ACOX2: variants seen among roughly 807,000 people sequenced by gnomAD.
ACOX2 encodes the protein acyl-CoA oxidase 2, also known as peroxisomal acyl-coenzyme A oxidase 2.
ACOX2 carries 59 observed loss-of-function variants against 77.5 expected under a neutral mutation model. That is an observed-to-expected ratio of 0.76 (90% CI 0.62 to 0.95). ACOX2 has a LOEUF of 0.95. Ranked by LOEUF, ACOX2 falls within the 40% of genes least tolerant of loss-of-function variation. The probability of loss-of-function intolerance (pLI) is 0.00; values close to 1 mark genes in which losing one functional copy is unlikely to be tolerated. For synonymous variants in ACOX2, 317 were observed against 340.1 expected (o/e 0.93, Z 0.75); for missense variants, 837 against 880.4 (o/e 0.95, Z 0.62).
At chr3:58,508,044 C>T (rs180792159) in intron 14 of ACOX2, among the ~76,000 whole-genome samples, 2 of 152,298 alleles carry the variant, frequency 1.3e-5, no homozygotes, top group Admixed American at 1.3e-4. Context: ...TGTTTTGTAC[C>T]TATAGACTTT....
chr3:58,533,735 C>T lies in ACOX2; in HGVS notation c.476-183G>A. ...GGCTGTGTGTGGGACACACAGTCCCCTATAGCCAGTCCATGAGAAGGGGTG... is the reference window on the plus strand; with the variant it reads ...GGCTGTGTGTGGGACACACAGTCCCTTATAGCCAGTCCATGAGAAGGGGTG... On this transcript the variant is annotated intron_variant, in intron 4 of 14. Transcript: ENST00000302819. The surrounding 1 kb of genome is among the most constrained non-coding windows in gnomAD (Gnocchi z 5.6). 1.5e-6 allele frequency: 1 copy of T among 673,688 alleles called. No individual in the cohort carries two copies. The allele number at this position is 673,688 out of a possible 1,614,324, so 41.7% of individuals were successfully genotyped here.
In ACOX2 at chr3:58,533,438, T is replaced by C; in HGVS notation, c.583+7A>G. ...GAGTTAAGGAAGGGGGGTGGATGTA[T>C]ACTCACAGTCTCCAGGCCACCATTT... On this transcript the variant is annotated splice_region_variant and intron_variant, in intron 5 of 14. Coordinates refer to ENST00000302819, the MANE Select transcript of ACOX2 (RefSeq NM_003500.4). The surrounding 1 kb of genome is among the most constrained non-coding windows in gnomAD (Gnocchi z 5.6). The C allele has an allele frequency of 1.9e-6, 3 of 1,612,456 alleles. No homozygotes were observed. The highest frequency in any genetic ancestry group is 2.5e-6 in the Non-Finnish European group (3 of 1,178,720).
chr3:58,517,102 G>A, intron 13 of ACOX2, 104 bp downstream of exon 13: 1 of 1,203,646 alleles, frequency 8.3e-7, no homozygotes, highest in Non-Finnish European at 1.2e-6. Context: ...CAGGGCTGTT[G>A]CTGCTCTGCC....
At position 58,514,777 on chromosome 3, in the gene ACOX2, T is replaced by C. The variant is rs1408392598; in HGVS notation, c.1850+2429A>G. 6.6e-6 allele frequency among the ~76,000 whole-genome samples: 1 copy of C among 152,234 alleles called. No individual in the cohort carries two copies. Among genetic ancestry groups the C allele is most frequent in the African/African-American group, 2.4e-5 (1 of 41,464 alleles). Reference sequence around the variant, plus strand: ...TTTGCAAATTTAAAAAACATGCTTATAGGGTGTTAAGGTAATCTTTTGTAT... The same window carrying C: ...TTTGCAAATTTAAAAAACATGCTTACAGGGTGTTAAGGTAATCTTTTGTAT... On this transcript the variant is annotated intron_variant, in intron 13 of 14. Transcript: ENST00000302819. The surrounding 1 kb of genome is among the most constrained non-coding windows in gnomAD (Gnocchi z 4.3).
chr3:58,533,348 A>G lies in ACOX2; in HGVS notation c.583+97T>C. On this transcript the variant is annotated intron_variant, in intron 5 of 14. Transcript: ENST00000302819. This position sits in a 1 kb window ranked among gnomAD's most constrained non-coding sequence, Gnocchi z 5.6. ...GTCAGCAGCCTAGAACAGAAAATCA[A>G]TCTGAGGTCTGTTGGACCTCAAAGC... The G allele has an allele frequency of 1.8e-6, 2 of 1,124,482 alleles. No individual in the cohort carries two copies. The highest frequency in any genetic ancestry group is 1.5e-5 in the African/African-American group (1 of 64,590). The allele number at this position is 1,124,482 out of a possible 1,614,324, so 69.7% of individuals were successfully genotyped here.
Position 58,531,203 on chromosome 3 carries a change from G to C in ACOX2, c.819+48C>G, listed in dbSNP as rs767011061. ...CAGGCCCAGCCTGCACAAAGCGCAG[G>C]TCCCCTCTCCAGGAAGTACAAGTCC... On this transcript the variant is annotated intron_variant, in intron 7 of 14. Transcript: ENST00000302819. This position sits in a 1 kb window ranked among gnomAD's most constrained non-coding sequence, Gnocchi z 5.8. 10 of 1,559,754 alleles carry C rather than the reference G, an allele frequency of 6.4e-6. No individual in the cohort carries two copies. Among genetic ancestry groups the C allele is most frequent in the Non-Finnish European group, 8.8e-6 (10 of 1,138,004 alleles).
In ACOX2 at chr3:58,515,882, ATCC is replaced by A. The variant is rs1359470334; in HGVS notation, c.1850+1321_1850+1323del. ...AACCTCAACCTCCTGGGATCAATCA[ATCC>A]TCCTACCTCAGCCTCCCGAGTAGCT... On this transcript the variant is annotated intron_variant, in intron 13 of 14. Transcript: ENST00000302819. This position sits in a 1 kb window ranked among gnomAD's most constrained non-coding sequence, Gnocchi z 4.0. Among the ~76,000 whole-genome samples, 4 of 151,810 alleles carry A rather than the reference ATCC, an allele frequency of 2.6e-5. No individual in the cohort carries two copies. The highest frequency in any genetic ancestry group is 5.9e-5 in the Non-Finnish European group (4 of 67,964).
chr3:58,527,890 G>A (rs979769698), intron 9 of ACOX2, among the ~76,000 whole-genome samples: 6 of 150,040 alleles, frequency 4.0e-5, no homozygotes, highest in Admixed American at 6.6e-5. Flanking sequence ...TTGTGGAGAC[G>A]GGGGTCTCAC....
Position 58,526,765 on chromosome 3 carries a change from G to A in ACOX2, c.1156-109C>T, listed in dbSNP as rs1303453169. ...TACTCATGCCCAGCTCAGCTCTGAG[G>A]TAAGAAGTGTTTCCTCTGCTCACAA... On this transcript the variant is annotated intron_variant, in intron 9 of 14. Transcript: ENST00000302819. This position sits in a 1 kb window ranked among gnomAD's most constrained non-coding sequence, Gnocchi z 4.3. The A allele has an allele frequency of 1.1e-5, 13 of 1,220,420 alleles. No individual in the cohort carries two copies. Among genetic ancestry groups the A allele is most frequent in the South Asian group, 3.0e-5 (2 of 66,660 alleles). 75.6% of individuals were successfully genotyped at this position (1,220,420 alleles called of 1,614,324 possible).
chr3:58,528,753 C>T lies in ACOX2; in HGVS notation c.1155+41G>A. 1.3e-6 allele frequency: 2 copies of T among 1,565,644 alleles called. No individual in the cohort carries two copies. Among genetic ancestry groups the T allele is most frequent in the South Asian group, 1.2e-5 (1 of 82,460 alleles). ...CAGTGAGTGGAACAATCTTAGCTCC[C>T]AGCGCCTGCCAGCGCCTGCCCCTCC... On this transcript the variant is annotated intron_variant, in intron 9 of 14. Coordinates refer to ENST00000302819, the MANE Select transcript of ACOX2 (RefSeq NM_003500.4). This position sits in a 1 kb window ranked among gnomAD's most constrained non-coding sequence, Gnocchi z 5.6.
Position 58,522,405 on chromosome 3 carries a change from G to A in ACOX2, c.1632+91C>T. On this transcript the variant is annotated intron_variant, in intron 12 of 14. Coordinates refer to ENST00000302819, the MANE Select transcript of ACOX2 (RefSeq NM_003500.4). The surrounding 1 kb of genome is among the most constrained non-coding windows in gnomAD (Gnocchi z 4.3). ...GCAGCCGCCACTGAAGCAGAGTTGG[G>A]GAATAATGGCAGAGCCCGGATTTTC... is the stretch of plus-strand genomic sequence containing the variant. 7.9e-7 allele frequency: 1 copy of A among 1,262,946 alleles called. No homozygotes were observed. The highest frequency in any genetic ancestry group is 1.1e-6 in the Non-Finnish European group (1 of 875,688). The allele number at this position is 1,262,946 out of a possible 1,614,324, so 78.2% of individuals were successfully genotyped here. A position where few individuals can be genotyped will look rare whatever the true frequency, so the allele number is the denominator to read the frequency against.
At chr3:58,529,543 C>G (rs1481620325) in intron 8 of ACOX2, among the ~76,000 whole-genome samples, 3 of 152,214 alleles carry the variant, frequency 2.0e-5, no homozygotes, top group Admixed American at 1.3e-4. Flanking sequence ...CCTCTACAGA[C>G]AGCAGCTGCT....
chr3:58,515,143 C>G lies in ACOX2; in HGVS notation c.1850+2063G>C, dbSNP rs1230086750. On this transcript the variant is annotated intron_variant, in intron 13 of 14. Coordinates refer to ENST00000302819, the MANE Select transcript of ACOX2 (RefSeq NM_003500.4). The surrounding 1 kb of genome is among the most constrained non-coding windows in gnomAD (Gnocchi z 4.0). ...GGTTCAAGCGATTCTGCCTCAGCCT[C>G]CCAAGTAACTGGGATTACAGGCATG... Among the ~76,000 whole-genome samples the G allele has an allele frequency of 2.6e-5, 4 of 152,152 alleles. No individual in the cohort carries two copies. Among genetic ancestry groups the G allele is most frequent in the Admixed American group, 2.6e-4 (4 of 15,276 alleles).
At chr3:58,509,615 T>TG (rs1364728245) in intron 13 of ACOX2, among the ~76,000 whole-genome samples, 2 of 146,104 alleles carry the variant, frequency 1.4e-5, no homozygotes, top group Non-Finnish European at 3.0e-5. Flanking sequence ...AATCTGTTTT[T>TG]TTTTTTTTTT....
chr3:58,524,372 G>T lies in ACOX2; in HGVS notation c.1526+54C>A. On this transcript the variant is annotated intron_variant, in intron 11 of 14. Transcript: ENST00000302819. The surrounding 1 kb of genome is among the most constrained non-coding windows in gnomAD (Gnocchi z 5.5). ...ACCCAACCAATCCAAAGGCCCTAGTGTGGCATGGAGCCTGTGCCCAGGTGG... is the reference window on the plus strand; with the variant it reads ...ACCCAACCAATCCAAAGGCCCTAGTTTGGCATGGAGCCTGTGCCCAGGTGG... 6.3e-7 allele frequency: 1 copy of T among 1,581,058 alleles called. No individual in the cohort carries two copies. Among genetic ancestry groups the T allele is most frequent in the East Asian group, 2.3e-5 (1 of 44,272 alleles).
chr3:58,512,613 C>T lies in ACOX2; in HGVS notation c.1851-3588G>A, dbSNP rs13064671. On this transcript the variant is annotated intron_variant, in intron 13 of 14. Coordinates refer to ENST00000302819, the MANE Select transcript of ACOX2 (RefSeq NM_003500.4). The surrounding 1 kb of genome is among the most constrained non-coding windows in gnomAD (Gnocchi z 4.8). ...TCTGCCCTCTGCCGTCATTTTCCAC[C>T]GCAGTCATGCCATTCCTGCCCCTGT... 0.063 allele frequency among the ~76,000 whole-genome samples: 9,572 copies of T among 152,238 alleles called. 364 individuals are homozygous for T. The highest frequency in any genetic ancestry group is 0.093 in the African/African-American group (3,844 of 41,528).
chr3:58,527,267 G>A (rs972810298), intron 9 of ACOX2, among the ~76,000 whole-genome samples: 1 of 151,992 alleles, frequency 6.6e-6, no homozygotes, highest in African/African-American at 2.4e-5. Context: ...GCTGGGTGTG[G>A]TGGCTCACAC....
At position 58,522,880 on chromosome 3, in the gene ACOX2, C is replaced by T. The variant is rs1378047852; in HGVS notation, c.1527-279G>A. Reference sequence around the variant, plus strand: ...GCCAGGATTTTGACTTGTTGTTAATCGCCATGTTATAAAGCCTCAGGGCCA... The same window carrying T: ...GCCAGGATTTTGACTTGTTGTTAATTGCCATGTTATAAAGCCTCAGGGCCA... On this transcript the variant is annotated intron_variant, in intron 11 of 14. Transcript: ENST00000302819. This position sits in a 1 kb window ranked among gnomAD's most constrained non-coding sequence, Gnocchi z 4.3. The T allele has an allele frequency of 1.6e-5, 6 of 377,254 alleles. No homozygotes were observed. Among genetic ancestry groups the T allele is most frequent in the South Asian group, 8.0e-5 (3 of 37,592 alleles). 23.4% of individuals were successfully genotyped at this position (377,254 alleles called of 1,614,324 possible).
chr3:58,534,491 G>C lies in ACOX2; in HGVS notation c.192C>G (p.Ser64Arg). ...ESIIHSYPEFSCKDNYFMTQN... is the reference protein window; with the variant it reads ...ESIIHSYPEFRCKDNYFMTQN... ...GGGTCATGAAATAATTGTCCTTACAGCTAAACTCCGGGTAACTGTGGATGA... is the reference window on the plus strand; with the variant it reads ...GGGTCATGAAATAATTGTCCTTACACCTAAACTCCGGGTAACTGTGGATGA... The change falls in exon 3 of 15, where the codon AGC becomes AGG. Residue 64 changes from serine to arginine, a missense_variant. Coordinates refer to ENST00000302819, the MANE Select transcript of ACOX2 (RefSeq NM_003500.4). The surrounding 1 kb of genome is among the most constrained non-coding windows in gnomAD (Gnocchi z 4.8). The C allele has an allele frequency of 6.2e-7, 1 of 1,614,198 alleles. No homozygotes were observed. The highest frequency in any genetic ancestry group is 1.1e-5 in the South Asian group (1 of 91,082).
Sources: gnomAD v4.1 joint callset for allele counts (sites outside exome capture counted in the v4.1 genomes callset) on GRCh38, gnomAD v4.1.1 for gene constraint, Gnocchi (gnomAD v3.1) non-coding constraint, MANE v1.5 for transcripts, NCBI Gene and HGNC (gene_info 2026-07-23, HGNC 2026-07-21) for gene names.